The following HHIPL2 variants were observed in gnomAD, a reference collection of about 807,000 sequenced individuals.
HHIPL2 encodes the protein HHIP like 2.
In HHIPL2, 61 loss-of-function variants were observed where a neutral mutation model predicts 61.0. The observed-to-expected ratio is 1.00, with a 90% CI of 0.81 to 1.24. HHIPL2 has a LOEUF of 1.24. Among genes scored for constraint, HHIPL2 ranks in the 50% most tolerant of loss-of-function variants. The pLI is 0.00. For missense variants in HHIPL2, 885 were observed against 910.2 expected (o/e 0.97, Z 0.36); for synonymous variants, 343 against 357.4 (o/e 0.96, Z 0.45).
At chr1:222,531,617 G>A (rs781379909) in intron 6 of HHIPL2, among the ~76,000 whole-genome samples, 14 of 151,926 alleles carry the variant, frequency 9.2e-5, no homozygotes, top group African/African-American at 2.2e-4. Flanking sequence ...GCATGGTGGC[G>A]GGCGCCTGTA....
At chr1:222,545,186 C>T (rs1032131998) in intron 1 of HHIPL2, among the ~76,000 whole-genome samples, 8 of 152,106 alleles carry the variant, frequency 5.3e-5, no homozygotes, top group Non-Finnish European at 1.0e-4. Flanking sequence ...CGTTTGGAGC[C>T]GTGCATTAGA....
At chr1:222,546,075 A>AAATAAATAAATAAATAAATAAAT (rs1659551036) in intron 1 of HHIPL2, among the ~76,000 whole-genome samples, 1 of 24,664 alleles carries the variant, frequency 4.1e-5, no homozygotes, top group South Asian at 1.9e-3. Context: ...AATAAATAAA[A>AAATAAATAAATAAATAAATAAAT]GTCCTATGTG....
intron 8 of HHIPL2, 41 bp from the exon 9 acceptor site, chr1:222,522,928 A>G: frequency 6.4e-7 from 1 of 1,552,244 alleles, no homozygotes; most frequent in East Asian, 2.3e-5. Flanking sequence ...TATAAGTCCC[A>G]GAAAGTAGCT....
chr1:222,542,185 G>T, intron 2 of HHIPL2, 30 bp from the exon 3 acceptor site: 1 of 1,608,278 alleles, frequency 6.2e-7, no homozygotes, highest in South Asian at 1.1e-5. Flanking sequence ...CCACACGTTA[G>T]GATTTGACAC....
chr1:222,538,971 A>G (rs1659365792), intron 4 of HHIPL2, 197 bp from the exon 5 acceptor site: 2 of 525,560 alleles, frequency 3.8e-6, no homozygotes, highest in South Asian at 6.6e-5. Context: ...CAAACTTCCT[A>G]CTTAACTGCT....
At chr1:222,538,518 A>G (rs1659355054) in intron 5 of HHIPL2, 130 bp downstream of exon 5, 1 of 812,688 alleles carries the variant, frequency 1.2e-6, no homozygotes, top group East Asian at 2.6e-5. Flanking sequence ...TGGTGGTAAT[A>G]TGAGTGCATA....
rs371162182 is a variant in HHIPL2, at chr1:222,522,843, T to C, written c.1933A>G (p.Arg645Gly). 1.2e-6 allele frequency: 2 copies of C among 1,614,212 alleles called. No homozygotes were observed. Among genetic ancestry groups the C allele is most frequent in the East Asian group, 2.2e-5 (1 of 44,886 alleles). ...LLKEQSEKAA[R>G]KSSSATLASG... is the part of the protein sequence containing the mutation. ...GCTAAGGTTGCACTGGAAGATTTTCTAGCAGCTTTCTCTGATTGTTCCTTT... is the reference window on the plus strand; with the variant it reads ...GCTAAGGTTGCACTGGAAGATTTTCCAGCAGCTTTCTCTGATTGTTCCTTT... The change falls in exon 9 of 9, where the codon AGA becomes GGA. Residue 645 changes from arginine to glycine, a missense_variant. Coordinates refer to ENST00000343410, the MANE Select transcript of HHIPL2 (RefSeq NM_024746.4).
At position 222,543,610 on chromosome 1, in the gene HHIPL2, CCTT is replaced by C. The variant is rs760649769; in HGVS notation, c.898_900del (p.Lys300del). The C allele has an allele frequency of 1.1e-5, 17 of 1,614,150 alleles. No homozygotes were observed. In the African/African-American group the frequency reaches 1.9e-4, roughly 18 times the overall value. On this transcript the variant is annotated inframe_deletion, in exon 2 of 9. Coordinates refer to ENST00000343410, the MANE Select transcript of HHIPL2 (RefSeq NM_024746.4). ...ATCTCACTAATTCGGATCTTTTCTA[CCTT>C]CTTCTTGTCCAGGCACGAATAATAA...
At chr1:222,523,750 A>T (rs1234979559) in intron 7 of HHIPL2, 56 bp from the exon 8 acceptor site, 1 of 1,545,718 alleles carries the variant, frequency 6.5e-7, no homozygotes, top group Non-Finnish European at 8.9e-7. Context: ...GCAACCGGAA[A>T]ATCAAGGTTA....
rs1277708823 is a variant in HHIPL2, at chr1:222,542,100, AAAG to A, written c.1027_1029del (p.Leu343del). 1.2e-6 allele frequency: 2 copies of A among 1,613,932 alleles called. No individual in the cohort carries two copies. The highest frequency in any genetic ancestry group is 4.5e-5 in the East Asian group (2 of 44,878). ...ATGTACATATAGCCATCCAGGCCAA[AAAG>A]AAGTTGTCCGCCATTATGGTTTGAG... On this transcript the variant is annotated inframe_deletion, in exon 3 of 9. Coordinates refer to ENST00000343410, the MANE Select transcript of HHIPL2 (RefSeq NM_024746.4).
intron 1 of HHIPL2, among the ~76,000 whole-genome samples, chr1:222,545,557 G>T (rs1362670183): frequency 6.6e-6 from 1 of 152,162 alleles, no homozygotes; most frequent in Non-Finnish European, 1.5e-5. Context: ...CTGGGAAAAA[G>T]GGAGAAGGGA....
intron 4 of HHIPL2, 176 bp from the exon 5 acceptor site, chr1:222,538,950 C>G: frequency 1.7e-6 from 1 of 580,182 alleles, no homozygotes; most frequent in Non-Finnish European, 2.9e-6. Context: ...ATAGGCCATC[C>G]ACAATATTTG....
At position 222,544,120 on chromosome 1, in the gene HHIPL2, C is replaced by T. The variant is rs1659504844; in HGVS notation, c.391G>A (p.Gly131Ser). 6.2e-7 allele frequency: 1 copy of T among 1,613,916 alleles called. No individual in the cohort carries two copies. The highest frequency in any genetic ancestry group is 1.1e-5 in the South Asian group (1 of 91,076). ...GCAGAGCAGTAATCAGAGCAGAGGC[C>T]CGGGAGATTCCGGAGAGGCGTCTGG... ...NTQTPLRNLPGLCSDYCSAFH... is the reference protein window; with the variant it reads ...NTQTPLRNLPSLCSDYCSAFH... Residue 131 changes from glycine to serine, a missense_variant, in exon 2 of 9, where the codon GGC becomes AGC. Transcript: ENST00000343410.
At position 222,531,979 on chromosome 1, in the gene HHIPL2, A is replaced by G; in HGVS notation, c.1710T>C (p.Ala570=). 1 of 1,605,988 alleles carries G rather than the reference A, an allele frequency of 6.2e-7. No homozygotes were observed. Among genetic ancestry groups the G allele is most frequent in the Non-Finnish European group, 8.5e-7 (1 of 1,173,872 alleles). Residue 570 remains alanine, a synonymous_variant, in exon 6 of 9, where the codon GCT becomes GCC. Coordinates refer to ENST00000343410, the MANE Select transcript of HHIPL2 (RefSeq NM_024746.4). ...STHSKFIISF[A]EDEAGELYFL... Reference sequence around the variant, plus strand: ...TACATTTGTTACCTGCTTCATCTTCAGCAAAGGAGATGATGAACTTGCTAT... The same window carrying G: ...TACATTTGTTACCTGCTTCATCTTCGGCAAAGGAGATGATGAACTTGCTAT...
At chr1:222,530,310 C>G (rs567757953) in intron 6 of HHIPL2, among the ~76,000 whole-genome samples, 12 of 152,304 alleles carry the variant, frequency 7.9e-5, no homozygotes, top group Admixed American at 5.2e-4. Context: ...AGGCCTGCCT[C>G]TGGGGTTCCA....
At chr1:222,545,527 A>G (rs1216755254) in intron 1 of HHIPL2, among the ~76,000 whole-genome samples, 2 of 152,052 alleles carry the variant, frequency 1.3e-5, no homozygotes, top group Non-Finnish European at 1.5e-5. Context: ...CCCCTTGCTC[A>G]TTCTGTCCAC....
chr1:222,537,332 T>A (rs545546876), intron 5 of HHIPL2, among the ~76,000 whole-genome samples: 1 of 151,344 alleles, frequency 6.6e-6, no homozygotes, highest in East Asian at 1.9e-4. Context: ...GTGATGTTAC[T>A]GTGTAACATC....
chr1:222,532,842 T>A (rs1659220518), intron 5 of HHIPL2, among the ~76,000 whole-genome samples: 1 of 123,862 alleles, frequency 8.1e-6, no homozygotes. Context: ...TGGCACATAG[T>A]AAGGGTTAAA....
intron 5 of HHIPL2, among the ~76,000 whole-genome samples, chr1:222,534,452 C>T (rs1371742071): frequency 6.6e-6 from 1 of 152,122 alleles, no homozygotes; most frequent in Non-Finnish European, 1.5e-5. Context: ...TGGCGGATGC[C>T]TGTAGTCCCA....
Sources: allele counts gnomAD v4.1 joint callset (sites outside exome capture counted in the v4.1 genomes callset), GRCh38; gene constraint gnomAD v4.1.1; transcripts MANE v1.5; gene names NCBI Gene and HGNC (gene_info 2026-07-23, HGNC 2026-07-21).